Variants in PARVG observed in about 807,000 individuals in gnomAD.
PARVG encodes parvin gamma, also known as gamma-parvin.
Under a neutral mutation model 44.4 loss-of-function variants are expected in PARVG, and 36 were observed. That is an observed-to-expected ratio of 0.81 (90% CI 0.62 to 1.07). The LOEUF (loss-of-function observed/expected upper bound fraction) is 1.07, where lower values mean the gene tolerates loss of function less well. Among genes scored for constraint, PARVG ranks in the 50% least tolerant of loss-of-function variants. The probability of loss-of-function intolerance (pLI) is 0.00; values close to 1 mark genes in which losing one functional copy is unlikely to be tolerated. For missense variants in PARVG, 407 were observed against 407.4 expected (o/e 1.00, Z 0.01); for synonymous variants, 170 against 174.1 (o/e 0.98, Z 0.19).
intron 1 of PARVG, among the ~76,000 whole-genome samples, chr22:44,175,748 CAGTG>C (rs1601722332): frequency 6.6e-6 from 1 of 152,206 alleles, no homozygotes; most frequent in East Asian, 1.9e-4. Flanking sequence ...GTGGACAACA[CAGTG>C]AGGCCGATGA....
At chr22:44,199,956 C>A (rs2054683386) in intron 12 of PARVG, among the ~76,000 whole-genome samples, 1 of 152,128 alleles carries the variant, frequency 6.6e-6, no homozygotes, top group Non-Finnish European at 1.5e-5. Context: ...GGCATGAGGG[C>A]TGTGGCTTGA....
chr22:44,187,920 C>T lies in PARVG; in HGVS notation c.247+42C>T, dbSNP rs1001762707. On this transcript the variant is annotated intron_variant, in intron 5 of 13. Coordinates refer to ENST00000444313, the MANE Select transcript of PARVG (RefSeq NM_022141.7). ...GGGGCTGCCTGGGCCTCGGCCCCATCCCCCTGACCTGGCCCCTCCAGGGCC... is the reference window on the plus strand; with the variant it reads ...GGGGCTGCCTGGGCCTCGGCCCCATTCCCCTGACCTGGCCCCTCCAGGGCC... The T allele has an allele frequency of 1.9e-6, 3 of 1,602,760 alleles. No homozygotes were observed. In the Admixed American group the frequency reaches 5.0e-5, roughly 27 times the overall value.
rs200993379 is a variant in PARVG, at chr22:44,189,123, C to T, written c.257C>T (p.Ala86Val). 2.4e-5 allele frequency: 38 copies of T among 1,611,432 alleles called. No individual in the cohort carries two copies. The highest frequency in any genetic ancestry group is 2.0e-4 in the Admixed American group (12 of 59,904). ...CCTCTCCTGCCTCCAGAGAGGCTGG[C>T]GGCGCTCAAGCTGGAAGCAGAGGAC... is the stretch of plus-strand genomic sequence containing the variant. ...LILHHLFQRL[A>V]ALKLEAEDIA... Residue 86 changes from alanine (A) to valine (V), a missense_variant, in exon 6 of 14, where the codon GCG becomes GTG. Ala to Val is a moderately conservative substitution (Grantham distance 64, BLOSUM62 0). Coordinates refer to ENST00000444313, the MANE Select transcript of PARVG (RefSeq NM_022141.7).
Position 44,205,828 on chromosome 22 carries a change from AG to A in PARVG, c.886+1del, listed in dbSNP as rs1412107735. ...TGCTCAGCTGCCCTGTCAGCCCTGA[AG>A]GTGAGTGCAAGGCAGATGCCCACAC... ...GLLSCPVSPE[D>X]IVNKDAKSTL... On this transcript the variant is annotated frameshift_variant and splice_region_variant, in exon 13 of 14. Coordinates refer to ENST00000444313, the MANE Select transcript of PARVG (RefSeq NM_022141.7). LOFTEE classifies it low-confidence loss of function (END_TRUNC). 1.2e-6 allele frequency: 2 copies of A among 1,612,876 alleles called. No homozygotes were observed. Among genetic ancestry groups the A allele is most frequent in the East Asian group, 4.5e-5 (2 of 44,852 alleles).
Position 44,175,308 on chromosome 22 carries a change from G to T in PARVG, c.-189+2117G>T, listed in dbSNP as rs557127853. ...GCCAGTCTCTGGGGGAACTGACATT[G>T]CACGGCCACTTGCCCTCAGATGTGA... On this transcript the variant is annotated intron_variant, in intron 1 of 13. Coordinates refer to the PARVG transcript ENST00000422871. 2.6e-5 allele frequency among the ~76,000 whole-genome samples: 4 copies of T among 152,188 alleles called. No individual in the cohort carries two copies. In the South Asian group the frequency reaches 6.2e-4, roughly 24 times the overall value.
intron 9 of PARVG, 129 bp downstream of exon 9, chr22:44,193,952 C>A: frequency 8.3e-7 from 1 of 1,209,230 alleles, no homozygotes; most frequent in Non-Finnish European, 1.2e-6. Context: ...TATCTCAAGC[C>A]TCATTCTTAT....
rs769194672 is a variant in PARVG at position 44,187,856 on chromosome 22, G to T, written c.225G>T (p.Gly75=). ...VRSLEEDMFD[G]LILHHLFQRL... ...GCCTGGAGGAGGACATGTTCGACGG[G>T]CTCATCCTACACCACCTATTCCGTA... Residue 75 remains glycine, a synonymous_variant, in exon 5 of 14, where the codon GGG becomes GGT. Transcript: ENST00000444313. The T allele has an allele frequency of 6.8e-6, 11 of 1,614,096 alleles. No homozygotes were observed. The highest frequency in any genetic ancestry group is 8.5e-6 in the Non-Finnish European group (10 of 1,180,050).
At chr22:44,178,658 G>A (rs927392522), upstream of PARVG, among the ~76,000 whole-genome samples, 2 of 152,174 alleles carry the variant, frequency 1.3e-5, no homozygotes, top group Non-Finnish European at 2.9e-5. Context: ...AGATTCTACA[G>A]GACAACTGAC....
In PARVG at chr22:44,182,759, C is replaced by T. The variant is rs3810623; in HGVS notation, c.-12-559C>T. ...CTGGCCTCTGGGTCTGCCCCTGTCC[C>T]GGGCATGTGGTGAGCCCAGCCTTCT... On this transcript the variant is annotated intron_variant, in intron 2 of 13. Coordinates refer to ENST00000444313, the MANE Select transcript of PARVG (RefSeq NM_022141.7). The surrounding 1 kb of genome is among the most constrained non-coding windows in gnomAD (Gnocchi z 4.6). Among the ~76,000 whole-genome samples, 1 of 152,162 alleles carries T rather than the reference C, an allele frequency of 6.6e-6. No homozygotes were observed. Among genetic ancestry groups the T allele is most frequent in the Non-Finnish European group, 1.5e-5 (1 of 68,018 alleles).
At chr22:44,189,880 T>G (rs2054524865) in intron 6 of PARVG, among the ~76,000 whole-genome samples, 1 of 152,098 alleles carries the variant, frequency 6.6e-6, no homozygotes, top group Non-Finnish European at 1.5e-5. Flanking sequence ...TTGCACCACT[T>G]CACTCCAGTC....
intron 7 of PARVG, among the ~76,000 whole-genome samples, chr22:44,191,281 C>A (rs2054544729): frequency 6.6e-6 from 1 of 152,150 alleles, no homozygotes; most frequent in Non-Finnish European, 1.5e-5. Flanking sequence ...CCACCCCACC[C>A]CAGCCTCGGG....
chr22:44,194,732 CTCCA>C (rs1469449254), intron 9 of PARVG, among the ~76,000 whole-genome samples: 2 of 116,270 alleles, frequency 1.7e-5, no homozygotes, highest in South Asian at 2.6e-4. Flanking sequence ...CCATCCATCC[CTCCA>C]TCCATCCATT....
chr22:44,183,874 A>G (rs929470975), intron 3 of PARVG: 16 of 369,210 alleles, frequency 4.3e-5, no homozygotes, highest in African/African-American at 3.3e-4. Flanking sequence ...CACACGGACC[A>G]CGCAGCGATG....
upstream of PARVG, among the ~76,000 whole-genome samples, chr22:44,178,454 A>C (rs1300444355): frequency 6.6e-6 from 1 of 152,242 alleles, no homozygotes; most frequent in African/African-American, 2.4e-5. Flanking sequence ...TTAAAAACAG[A>C]CATCAAAAGA....
intron 12 of PARVG, among the ~76,000 whole-genome samples, chr22:44,201,084 C>G (rs1346906262): frequency 6.6e-6 from 1 of 152,134 alleles, no homozygotes; most frequent in African/African-American, 2.4e-5. Context: ...CCCTCACATC[C>G]ACGCAGGCTG....
chr22:44,190,730 A>T, intron 7 of PARVG, 64 bp downstream of exon 7: 1 of 1,376,244 alleles, frequency 7.3e-7, no homozygotes, highest in African/African-American at 1.4e-5. Context: ...CCATTGCCGT[A>T]CCCTGCATGG....
chr22:44,190,704 T>G, intron 7 of PARVG, 38 bp downstream of exon 7: 3 of 1,545,112 alleles, frequency 1.9e-6, no homozygotes, highest in Non-Finnish European at 2.7e-6. Context: ...AAGCAGAAGC[T>G]GAGCCTCTTG....
chr22:44,195,968 C>A, intron 9 of PARVG, 187 bp from the exon 10 acceptor site: 1 of 626,224 alleles, frequency 1.6e-6, no homozygotes, highest in African/African-American at 1.8e-5. Flanking sequence ...CGGTGACTCC[C>A]CTGGGGCCAC....
chr22:44,203,537 T>C (rs2054737691), intron 12 of PARVG, among the ~76,000 whole-genome samples: 1 of 152,216 alleles, frequency 6.6e-6, no homozygotes, highest in Admixed American at 6.5e-5. Flanking sequence ...GCTGAATGTA[T>C]CAAAGGCGGA....
Sources: allele counts gnomAD v4.1 joint callset (sites outside exome capture counted in the v4.1 genomes callset), GRCh38; gene constraint gnomAD v4.1.1; non-coding constraint Gnocchi (gnomAD v3.1); transcripts MANE v1.5; gene names NCBI Gene and HGNC (gene_info 2026-07-23, HGNC 2026-07-21).